TRIO: variants seen among roughly 807,000 people sequenced by gnomAD.
TRIO encodes trio Rho guanine nucleotide exchange factor.
Under a neutral mutation model 351.9 loss-of-function variants are expected in TRIO, and 58 were observed. The observed-to-expected ratio is 0.16, with a 90% confidence interval of 0.13 to 0.21. The LOEUF (loss-of-function observed/expected upper bound fraction) is 0.21. Ranked by LOEUF, TRIO falls within the 10% of genes least tolerant of loss-of-function variation. The pLI, the probability that TRIO is intolerant of heterozygous loss-of-function variation, is 1.00. For synonymous variants in TRIO, 1,758 were observed against 1,595.7 expected (o/e 1.10, Z -2.42); for missense variants, 3,201 against 4,027.8 (o/e 0.79, Z 5.56).
chr5:14,183,487 C>A (rs535700940), intron 1 of TRIO, among the ~76,000 whole-genome samples: 1 of 151,822 alleles, frequency 6.6e-6, no homozygotes, highest in South Asian at 2.1e-4. Context: ...TTATTGCATC[C>A]CCTAAAAATG....
chr5:14,461,569 C>T (rs1039064749), intron 35 of TRIO, among the ~76,000 whole-genome samples: 2 of 152,300 alleles, frequency 1.3e-5, no homozygotes, highest in South Asian at 2.1e-4. Context: ...GATCACCATG[C>T]GCCCCAGGCC....
chr5:14,280,355 C>T lies in TRIO; in HGVS notation c.266C>T (p.Thr89Met), dbSNP rs1735890578. 2 of 1,614,004 alleles carry T rather than the reference C, an allele frequency of 1.2e-6. No homozygotes were observed. Among genetic ancestry groups the T allele is most frequent in the Non-Finnish European group, 1.7e-6 (2 of 1,180,002 alleles). Residue 89 changes from threonine to methionine, a missense_variant, in exon 3 of 57, where the codon ACG (threonine) becomes ATG (methionine). Physicochemically the swap from Thr to Met is moderately conservative, Grantham distance 81 (BLOSUM62 -1). This residue lies in a region of TRIO where 109 missense variants were observed against 134.6 expected (regional missense o/e 0.81). Transcript: ENST00000344204. ...GRDKRGGPIL[T>M]FPARSNHDRI... ...GATAAACGTGGAGGTCCCATTTTAA[C>T]GTTTCCGGCCCGCAGCAATCATGAC...
intron 34 of TRIO, among the ~76,000 whole-genome samples, chr5:14,433,345 CAG>C (rs1015733795): frequency 1.8e-4 from 27 of 152,134 alleles, no homozygotes; most frequent in Admixed American, 1.4e-3. Flanking sequence ...CCCTAAGAAG[CAG>C]GGGTTTCGTC....
chr5:14,486,669 AC>A (rs1755938639), intron 47 of TRIO, among the ~76,000 whole-genome samples: 1 of 152,170 alleles, frequency 6.6e-6, no homozygotes, highest in Non-Finnish European at 1.5e-5. Flanking sequence ...CTTGACACCC[AC>A]TCAGTTGAGT....
rs577956323 is a variant in TRIO, at chr5:14,489,008, C to T, written c.7632+748C>T. 2.0e-5 allele frequency: 15 copies of T among 765,250 alleles called. No individual in the cohort carries two copies. In the South Asian group the frequency reaches 2.0e-4, roughly 10 times the overall value. 47.4% of individuals were successfully genotyped at this position (765,250 alleles called of 1,614,324 possible). The stretch of plus-strand genomic sequence containing the variant: ...CCTCTGTTTCCTGCTTCCTCACTGT[C>T]CTACCCACCTGTTTCCTACAGGGCA... On this transcript the variant is annotated intron_variant, in intron 48 of 56. Coordinates refer to ENST00000344204, the MANE Select transcript of TRIO (RefSeq NM_007118.4).
chr5:14,170,344 T>A (rs3902178), intron 1 of TRIO, among the ~76,000 whole-genome samples: 3,599 of 152,246 alleles, frequency 0.024, 152 homozygotes, highest in African/African-American at 0.083. Flanking sequence ...TTGGTTTTGT[T>A]TAAAATTGTT....
rs977234100 is a variant in TRIO, at chr5:14,507,352, C to T, written c.8751+92C>T. ...GCCCCCTCTGAAGCCAGGCCAGGAG[C>T]CCCCAAGTGACTAGGGACAAAAAGG... On this transcript the variant is annotated intron_variant, in intron 56 of 56. Transcript: ENST00000344204. The T allele has an allele frequency of 3.2e-6, 5 of 1,544,022 alleles. No homozygotes were observed. In the African/African-American group the frequency reaches 5.5e-5, roughly 17 times the overall value.
At chr5:14,329,303 C>G (rs1026207610) in intron 9 of TRIO, among the ~76,000 whole-genome samples, 3 of 152,178 alleles carry the variant, frequency 2.0e-5, no homozygotes, top group African/African-American at 7.2e-5. Context: ...ATGTTTGTGT[C>G]CCCCCAAATT....
At chr5:14,190,895 C>T (rs1023453108) in intron 1 of TRIO, among the ~76,000 whole-genome samples, 2 of 152,214 alleles carry the variant, frequency 1.3e-5, no homozygotes, top group Non-Finnish European at 2.9e-5. Context: ...AACGGATAGC[C>T]ATTTAATCAG....
At chr5:14,159,095 G>A (rs1188661999) in intron 1 of TRIO, among the ~76,000 whole-genome samples, 2 of 152,164 alleles carry the variant, frequency 1.3e-5, no homozygotes, top group Non-Finnish European at 2.9e-5. Flanking sequence ...GAATCCGCCT[G>A]TGCTGGTGTC....
intron 1 of TRIO, among the ~76,000 whole-genome samples, chr5:14,170,528 G>T (rs62344636): frequency 8.6e-6 from 1 of 115,990 alleles, no homozygotes; most frequent in African/African-American, 3.6e-5. Context: ...TTTTTTTTTG[G>T]AGAAGTCTTG....
intron 55 of TRIO, 143 bp from the exon 56 acceptor site, chr5:14,506,979 A>G: frequency 8.8e-7 from 1 of 1,137,454 alleles, no homozygotes. Flanking sequence ...CTCCTTGTCT[A>G]GTCACGCCTT....
chr5:14,206,157 C>A (rs766289259), intron 1 of TRIO, among the ~76,000 whole-genome samples: 27 of 152,292 alleles, frequency 1.8e-4, no homozygotes, highest in Middle Eastern at 3.4e-3. Context: ...TTCCTCCCGG[C>A]ACAAGTGATC....
chr5:14,355,742 C>T (rs948109170), intron 11 of TRIO, among the ~76,000 whole-genome samples: 5 of 152,272 alleles, frequency 3.3e-5, no homozygotes, highest in East Asian at 1.9e-4. Flanking sequence ...AACAAGAAAG[C>T]ATCTTATTGA....
intron 7 of TRIO, among the ~76,000 whole-genome samples, chr5:14,299,452 A>G (rs1372773063): frequency 6.6e-6 from 1 of 152,158 alleles, no homozygotes; most frequent in Non-Finnish European, 1.5e-5. Context: ...CTGCACGTAG[A>G]CAACTGAAAT....
intron 19 of TRIO, among the ~76,000 whole-genome samples, chr5:14,376,589 T>A (rs1222750455): frequency 6.6e-6 from 1 of 152,242 alleles, no homozygotes; most frequent in African/African-American, 2.4e-5. Context: ...TTTAAAGATC[T>A]GCTGTTCTTT....
At chr5:14,298,322 C>G (rs998722453) in intron 7 of TRIO, among the ~76,000 whole-genome samples, 1 of 152,222 alleles carries the variant, frequency 6.6e-6, no homozygotes, top group South Asian at 2.1e-4. Context: ...AGTTTATTAT[C>G]GGAAGGTGAG....
At position 14,387,704 on chromosome 5, in the gene TRIO, T is replaced by C. The variant is rs2289849; in HGVS notation, c.3766-28T>C. On this transcript the variant is annotated intron_variant, in intron 22 of 56. Transcript: ENST00000344204. ...CGCCCTCTCTGCTGATTTAATTAAC[T>C]GAGTTCATTGGCTCTGTTATTCCAC... The C allele has an allele frequency of 7.0e-3, 11,274 of 1,611,186 alleles. 1,136 individuals are homozygous for C. The East Asian group carries it at 0.22, about 31-fold the overall frequency.
chr5:14,308,004 T>A (rs549159577), intron 8 of TRIO, among the ~76,000 whole-genome samples: 2 of 152,200 alleles, frequency 1.3e-5, no homozygotes, highest in African/African-American at 4.8e-5. Context: ...CTTTTTGATA[T>A]GTCCTTATTG....
Sources: allele counts gnomAD v4.1 joint callset (sites outside exome capture counted in the v4.1 genomes callset), GRCh38; gene constraint gnomAD v4.1.1; regional missense constraint gnomAD v4.1.1; transcripts MANE v1.5; gene names NCBI Gene and HGNC (gene_info 2026-07-23, HGNC 2026-07-21).